Variants in CA10 observed in about 807,000 individuals in gnomAD.
CA10 encodes the protein carbonic anhydrase 10 (inactive).
CA10 carries 14 observed loss-of-function variants against 44.2 expected under a neutral mutation model. That is an observed-to-expected ratio of 0.32 (90% CI 0.21 to 0.50). The LOEUF is 0.50. CA10 is among the 20% of genes least tolerant of loss of function. The pLI, the probability that CA10 is intolerant of heterozygous loss-of-function variation, is 0.99. For missense variants in CA10, 350 were observed against 409.7 expected, an observed-to-expected ratio of 0.85 and a Z score of 1.26; for synonymous variants, 159 against 141.6, an observed-to-expected ratio of 1.12 and a Z score of -0.87.
At chr17:52,085,515 G>A (rs1460806337) in intron 1 of CA10, among the ~76,000 whole-genome samples, 4 of 152,124 alleles carry the variant, frequency 2.6e-5, no homozygotes, top group African/African-American at 9.7e-5. Flanking sequence ...GCCCTTCAAT[G>A]ACTCCCTATT....
chr17:51,993,269 T>C (rs963509989), intron 2 of CA10, among the ~76,000 whole-genome samples: 1 of 152,142 alleles, frequency 6.6e-6, no homozygotes, highest in African/African-American at 2.4e-5. Context: ...AATTGAATTA[T>C]GTATGAAGCA....
At chr17:51,692,146 A>G (rs1356053416) in intron 4 of CA10, among the ~76,000 whole-genome samples, 1 of 151,722 alleles carries the variant, frequency 6.6e-6, no homozygotes, top group Non-Finnish European at 1.5e-5. Context: ...ATCTCACTAC[A>G]GTTTTTTGTT....
At chr17:51,892,170 G>C (rs1980886938) in intron 3 of CA10, among the ~76,000 whole-genome samples, 2 of 152,178 alleles carry the variant, frequency 1.3e-5, no homozygotes, top group South Asian at 4.1e-4. Flanking sequence ...AAGGTGCAGA[G>C]ACATGAAGTG....
At chr17:51,831,732 G>GCAGCAGCAGCAGCAGCAGC (rs1567854679) in intron 3 of CA10, among the ~76,000 whole-genome samples, 131 of 145,720 alleles carry the variant, frequency 9.0e-4, no homozygotes, top group South Asian at 3.5e-3. Flanking sequence ...AGCAGCAGCA[G>GCAGCAGCAGCAGCAGCAGC]AAAAAGACCT....
chr17:51,783,937 C>G (rs1326963212), intron 3 of CA10, among the ~76,000 whole-genome samples: 2 of 152,086 alleles, frequency 1.3e-5, no homozygotes, highest in African/African-American at 4.8e-5. Flanking sequence ...GGCCTGCTCT[C>G]CATCTTTAGA....
intron 2 of CA10, among the ~76,000 whole-genome samples, chr17:51,943,583 T>C (rs1428808115): frequency 6.6e-6 from 1 of 152,218 alleles, no homozygotes; most frequent in African/African-American, 2.4e-5. Flanking sequence ...TTGCCTGCAG[T>C]GGCTGCACTG....
At chr17:51,701,092 AC>A (rs1258965130) in intron 4 of CA10, among the ~76,000 whole-genome samples, 1 of 148,722 alleles carries the variant, frequency 6.7e-6, no homozygotes, top group African/African-American at 2.6e-5. Flanking sequence ...ATTTAAAAAA[AC>A]AATTTTTTTT....
At chr17:51,720,819 G>A (rs1008260562) in intron 4 of CA10, among the ~76,000 whole-genome samples, 2 of 152,010 alleles carry the variant, frequency 1.3e-5, no homozygotes, top group African/African-American at 4.8e-5. Flanking sequence ...AGGTTTTAGT[G>A]ATCTATTATG....
chr17:52,007,810 G>A (rs1042076849), intron 2 of CA10, among the ~76,000 whole-genome samples: 1 of 151,204 alleles, frequency 6.6e-6, no homozygotes, highest in African/African-American at 2.4e-5. Flanking sequence ...GACTATATAT[G>A]TACCATCACT....
chr17:51,985,317 C>A lies in CA10; in HGVS notation c.137-54185G>T, dbSNP rs183848773. ...AAAGCATTTGACAAAATCCAGCACT[C>A]CATTATGATTAAAACTCTCAACAAA... is the stretch of plus-strand genomic sequence containing the variant. On this transcript the variant is annotated intron_variant, in intron 2 of 8. Coordinates refer to ENST00000451037, the MANE Select transcript of CA10 (RefSeq NM_020178.5). Among the ~76,000 whole-genome samples, 44 of 152,054 alleles carry A rather than the reference C, an allele frequency of 2.9e-4. No individual in the cohort carries two copies. In the South Asian group the frequency reaches 3.9e-3, roughly 14 times the overall value.
intron 3 of CA10, among the ~76,000 whole-genome samples, chr17:51,810,174 T>C (rs1481514024): frequency 6.6e-6 from 1 of 152,216 alleles, no homozygotes; most frequent in Non-Finnish European, 1.5e-5. Flanking sequence ...GTTATGTTTC[T>C]CAGTTTGTCA....
At chr17:51,946,841 T>C (rs1983294953) in intron 2 of CA10, among the ~76,000 whole-genome samples, 2 of 152,186 alleles carry the variant, frequency 1.3e-5, no homozygotes, top group Non-Finnish European at 2.9e-5. Flanking sequence ...TAATGAAATA[T>C]ACGTTGTTTG....
intron 2 of CA10, among the ~76,000 whole-genome samples, chr17:52,045,154 A>G (rs1051709761): frequency 2.0e-5 from 3 of 151,868 alleles, no homozygotes; most frequent in Non-Finnish European, 4.4e-5. Flanking sequence ...AAACTAACTG[A>G]TGCAATATCA....
At chr17:51,961,464 A>C (rs995812229) in intron 2 of CA10, among the ~76,000 whole-genome samples, 4 of 152,170 alleles carry the variant, frequency 2.6e-5, no homozygotes, top group Admixed American at 6.5e-5. Context: ...AGGCAAAAGA[A>C]AAAAAATAAA....
At chr17:51,858,801 G>T (rs914860241) in intron 3 of CA10, among the ~76,000 whole-genome samples, 2 of 152,154 alleles carry the variant, frequency 1.3e-5, no homozygotes, top group Admixed American at 1.3e-4. Flanking sequence ...GTGAAGGGTA[G>T]TTAAGGACAA....
At chr17:51,821,502 A>ATGAT (rs1484181906) in intron 3 of CA10, among the ~76,000 whole-genome samples, 2 of 151,968 alleles carry the variant, frequency 1.3e-5, no homozygotes, top group African/African-American at 2.4e-5. Flanking sequence ...CTTGGTCCAA[A>ATGAT]TGATTACCAG....
intron 3 of CA10, among the ~76,000 whole-genome samples, chr17:51,916,774 C>T (rs556540987): frequency 6.6e-6 from 1 of 152,234 alleles, no homozygotes; most frequent in African/African-American, 2.4e-5. Context: ...TATAATCAAG[C>T]CTATGCTCTC....
chr17:52,106,644 A>G (rs546023280), intron 1 of CA10, among the ~76,000 whole-genome samples: 1 of 152,236 alleles, frequency 6.6e-6, no homozygotes, highest in Non-Finnish European at 1.5e-5. Flanking sequence ...GTAACAGGCT[A>G]TGCTACAACT....
At chr17:51,649,874 A>T (rs1913488560) in intron 5 of CA10, among the ~76,000 whole-genome samples, 1 of 83,568 alleles carries the variant, frequency 1.2e-5, no homozygotes, top group Non-Finnish European at 3.0e-5. Context: ...GGTATAAGGA[A>T]ATGGAAAAAA....
Sources: allele counts gnomAD v4.1 joint callset (sites outside exome capture counted in the v4.1 genomes callset), GRCh38; gene constraint gnomAD v4.1.1; transcripts MANE v1.5; gene names NCBI Gene and HGNC (gene_info 2026-07-23, HGNC 2026-07-21).